ASB17: variants seen among roughly 807,000 people sequenced by gnomAD.
ASB17 encodes ankyrin repeat and SOCS box containing 17.
In ASB17, 26 loss-of-function variants were observed where a neutral mutation model predicts 25.7. The observed-to-expected ratio is 1.01, with a 90% CI of 0.74 to 1.40. ASB17 has a LOEUF of 1.40. ASB17 is among the 40% of genes most tolerant of loss of function. The pLI is 0.00. For synonymous variants in ASB17, 128 were observed against 121.4 expected (o/e 1.05, Z -0.36); for missense variants, 326 against 338.5 (o/e 0.96, Z 0.29).
intron 1 of ASB17, among the ~76,000 whole-genome samples, chr1:75,930,366 AT>A (rs1653292355): frequency 6.8e-6 from 1 of 147,440 alleles, no homozygotes; most frequent in Non-Finnish European, 1.5e-5. Flanking sequence ...ATATAAATAT[AT>A]ATATATATAT....
intron 1 of ASB17, among the ~76,000 whole-genome samples, chr1:75,925,580 T>A (rs1403964085): frequency 2.6e-5 from 4 of 152,136 alleles, no homozygotes; most frequent in African/African-American, 7.2e-5. Context: ...ATTTGCTTAA[T>A]CTGTACTGAC....
chr1:75,925,848 T>A (rs1303438592), intron 1 of ASB17, among the ~76,000 whole-genome samples: 1 of 152,178 alleles, frequency 6.6e-6, no homozygotes, highest in Non-Finnish European at 1.5e-5. Context: ...CCAGAATAAT[T>A]TTACATGTGT....
intron 1 of ASB17, among the ~76,000 whole-genome samples, chr1:75,924,621 C>T (rs967607469): frequency 4.6e-5 from 7 of 152,016 alleles, no homozygotes; most frequent in South Asian, 2.1e-4. Context: ...CTGTATCTCT[C>T]GTGGAATCAT....
intron 1 of ASB17, among the ~76,000 whole-genome samples, chr1:75,929,918 G>A (rs1218640958): frequency 2.0e-5 from 3 of 150,180 alleles, no homozygotes; most frequent in African/African-American, 7.3e-5. Context: ...AGAGAAACAG[G>A]TGCTGTTAAT....
chr1:75,931,176 T>C (rs1653311715), intron 1 of ASB17, among the ~76,000 whole-genome samples: 1 of 152,236 alleles, frequency 6.6e-6, no homozygotes, highest in Non-Finnish European at 1.5e-5. Context: ...ATAAATATTT[T>C]GCTGAATGAA....
At chr1:75,925,076 T>C (rs1796825) in intron 1 of ASB17, among the ~76,000 whole-genome samples, 149,675 of 152,244 alleles carry the variant, frequency 0.98, 73,620 homozygotes, top group Middle Eastern at 1. Flanking sequence ...TAGTTCACTA[T>C]TGCATATTTA....
intron 1 of ASB17, among the ~76,000 whole-genome samples, chr1:75,928,413 T>C (rs1653230076): frequency 6.6e-6 from 1 of 152,192 alleles, no homozygotes; most frequent in Non-Finnish European, 1.5e-5. Flanking sequence ...CTGTGGCATT[T>C]AGATGTTTTT....
chr1:75,928,744 A>G (rs960099431), intron 1 of ASB17, among the ~76,000 whole-genome samples: 4 of 152,228 alleles, frequency 2.6e-5, no homozygotes, highest in African/African-American at 9.6e-5. Context: ...GAAGAATCAA[A>G]TAAAGCTGCT....
chr1:75,918,936 A>G lies in ASB17; in HGVS notation c.*16T>C. 1 of 1,590,450 alleles carries G rather than the reference A, an allele frequency of 6.3e-7. No homozygotes were observed. The highest frequency in any genetic ancestry group is 1.3e-5 in the African/African-American group (1 of 74,514). On this transcript the variant is annotated 3_prime_UTR_variant, in exon 3 of 3. Transcript: ENST00000284142. Reference sequence around the variant, plus strand: ...ATTGGTAAGCATTGTTAAGGAACTTAGGACACTGACGTATGTTAGATTTCT... The same window carrying G: ...ATTGGTAAGCATTGTTAAGGAACTTGGGACACTGACGTATGTTAGATTTCT...
chr1:75,922,488 C>CTTTTTTTTTTTTTTT (rs3037164), intron 1 of ASB17, 129 bp from the exon 2 acceptor site: 28 of 122,356 alleles, frequency 2.3e-4, no homozygotes, highest in African/African-American at 7.1e-4. Flanking sequence ...TTATATGTTT[C>CTTTTTTTTTTTTTTT]TTTTTTTTTT....
chr1:75,925,410 T>C (rs1003587315), intron 1 of ASB17, among the ~76,000 whole-genome samples: 1 of 152,124 alleles, frequency 6.6e-6, no homozygotes, highest in Middle Eastern at 3.2e-3. Flanking sequence ...TTCTAAGATA[T>C]TAAGATTGAC....
Position 75,920,409 on chromosome 1 carries a change from A to G in ASB17, c.682-1251T>C, listed in dbSNP as rs564125454. Among the ~76,000 whole-genome samples, 63 of 152,322 alleles carry G rather than the reference A, an allele frequency of 4.1e-4. 1 individual carries two copies. The highest frequency in any genetic ancestry group is 1.4e-3 in the African/African-American group (57 of 41,582). On this transcript the variant is annotated intron_variant, in intron 2 of 2. Transcript: ENST00000284142. Reference sequence around the variant, plus strand: ...AATGCATTCATTATTCAATTATTTAACTATTAAAGAGTATATGCTTAGCAT... The same window carrying G: ...AATGCATTCATTATTCAATTATTTAGCTATTAAAGAGTATATGCTTAGCAT...
At position 75,924,344 on chromosome 1, in the gene ASB17, CA is replaced by C. The variant is rs564920715; in HGVS notation, c.402-1986del. ...CCTGCTGGATCTTTGTTCAGGTCTC[CA>C]AAAAGTATAGTTGGAAAGTCACTGG... On this transcript the variant is annotated intron_variant, in intron 1 of 2. Transcript: ENST00000284142. Among the ~76,000 whole-genome samples the C allele has an allele frequency of 2.0e-3, 301 of 152,070 alleles. 1 individual carries two copies. The highest frequency in any genetic ancestry group is 6.9e-3 in the African/African-American group (285 of 41,506).
rs371042297 is a variant in ASB17, at chr1:75,927,596, G to A, written c.401+4295C>T. Among the ~76,000 whole-genome samples the A allele has an allele frequency of 3.9e-4, 59 of 152,200 alleles. 1 individual carries two copies. Among genetic ancestry groups the A allele is most frequent in the African/African-American group, 1.4e-3 (58 of 41,524 alleles). On this transcript the variant is annotated intron_variant, in intron 1 of 2. Transcript: ENST00000284142. The stretch of plus-strand genomic sequence containing the variant: ...TATTATAAATACACATGTAAACTAA[G>A]TACATGTACTATGCATGCTATGCAA...
At chr1:75,919,986 T>G (rs570579427) in intron 2 of ASB17, among the ~76,000 whole-genome samples, 3 of 152,348 alleles carry the variant, frequency 2.0e-5, no homozygotes, top group Non-Finnish European at 4.4e-5. Context: ...ACTTTTATTT[T>G]ATCAACTTCT....
chr1:75,925,901 T>G (rs749651752), intron 1 of ASB17, among the ~76,000 whole-genome samples: 19 of 152,206 alleles, frequency 1.2e-4, no homozygotes, highest in Non-Finnish European at 2.6e-4. Flanking sequence ...TGTTTTCCTT[T>G]TACTCAGTTG....
At chr1:75,920,602 G>C (rs924169291) in intron 2 of ASB17, among the ~76,000 whole-genome samples, 1 of 152,136 alleles carries the variant, frequency 6.6e-6, no homozygotes, top group Non-Finnish European at 1.5e-5. Flanking sequence ...CAGAACAGAG[G>C]TATTTAAAGT....
chr1:75,929,432 C>A (rs979499757), intron 1 of ASB17, among the ~76,000 whole-genome samples: 4 of 151,584 alleles, frequency 2.6e-5, no homozygotes, highest in African/African-American at 9.7e-5. Context: ...AGGGTTTCAC[C>A]ATGGTCTCGA....
chr1:75,928,740 T>A (rs751433082), intron 1 of ASB17, among the ~76,000 whole-genome samples: 21 of 152,160 alleles, frequency 1.4e-4, no homozygotes, highest in Non-Finnish European at 2.5e-4. Flanking sequence ...GAAAGAAGAA[T>A]CAAATAAAGC....
Sources: allele counts gnomAD v4.1 joint callset (sites outside exome capture counted in the v4.1 genomes callset), GRCh38; gene constraint gnomAD v4.1.1; transcripts MANE v1.5; gene names NCBI Gene and HGNC (gene_info 2026-07-23, HGNC 2026-07-21).